Variants in TAFA2 observed in about 807,000 individuals in gnomAD.
TAFA2 encodes chemokine-like protein TAFA-2.
A neutral mutation model predicts 18.8 loss-of-function variants in TAFA2; 7 were observed. That is an observed-to-expected ratio of 0.37 (90% CI 0.21 to 0.70). The LOEUF (loss-of-function observed/expected upper bound fraction) is 0.70. Ranked by LOEUF, TAFA2 falls within the 30% of genes least tolerant of loss-of-function variation. The pLI is 0.53. For missense variants in TAFA2, 122 were observed against 158.1 expected, an observed-to-expected ratio of 0.77 and a Z score of 1.23; for synonymous variants, 60 against 54.2, an observed-to-expected ratio of 1.11 and a Z score of -0.47.
intron 2 of TAFA2, among the ~76,000 whole-genome samples, chr12:61,858,609 T>TA (rs1467135241): frequency 6.6e-6 from 1 of 152,146 alleles, no homozygotes; most frequent in Non-Finnish European, 1.5e-5. Flanking sequence ...GTTGCATTTA[T>TA]ATGTTTTTCC....
At chr12:62,049,860 CT>C (rs1882005296) in intron 1 of TAFA2, among the ~76,000 whole-genome samples, 1 of 152,174 alleles carries the variant, frequency 6.6e-6, no homozygotes, top group African/African-American at 2.4e-5. Flanking sequence ...ACTCTCTGAA[CT>C]GAGCACATCA....
intron 1 of TAFA2, among the ~76,000 whole-genome samples, chr12:61,980,421 C>T (rs754306229): frequency 1.4e-4 from 21 of 152,096 alleles, no homozygotes; most frequent in South Asian, 4.1e-4. Flanking sequence ...CCTCTCTCAC[C>T]GCTCCTATTC....
chr12:61,995,333 C>T (rs1197501823), intron 1 of TAFA2, among the ~76,000 whole-genome samples: 2 of 152,218 alleles, frequency 1.3e-5, no homozygotes, highest in African/African-American at 4.8e-5. Flanking sequence ...CTCCACATGA[C>T]TAGTTCCTTC....
chr12:61,986,459 C>T (rs1395733216), intron 1 of TAFA2, among the ~76,000 whole-genome samples: 2 of 151,666 alleles, frequency 1.3e-5, no homozygotes, highest in African/African-American at 2.4e-5. Context: ...CCACCACACC[C>T]AGCTAATTTT....
chr12:62,234,900 T>A (rs565881105), intron 1 of TAFA2: 1 of 958,202 alleles, frequency 1.0e-6, no homozygotes, highest in African/African-American at 1.6e-5. Flanking sequence ...CATGGGCATC[T>A]TGTGGGGGCA....
rs202120403 is a variant in TAFA2 at position 61,829,667 on chromosome 12, TAA to T, written c.106+37651_106+37652del. On this transcript the variant is annotated intron_variant, in intron 2 of 4. Transcript: ENST00000416284. ...AAAACATATCAGCTAGATAAATTTT[TAA>T]AATATCTTTATCTTTTGTGCCAAAA... Among the ~76,000 whole-genome samples the T allele has an allele frequency of 4.5e-3, 684 of 151,718 alleles. 2 individuals carry two copies. The highest frequency in any genetic ancestry group is 0.015 in the African/African-American group (627 of 41,524).
At chr12:62,246,953 C>A (rs555111747) in intron 1 of TAFA2, among the ~76,000 whole-genome samples, 1 of 151,714 alleles carries the variant, frequency 6.6e-6, no homozygotes, top group Non-Finnish European at 1.5e-5. Context: ...GGTATAAGAA[C>A]CTCTGATTTT....
At chr12:61,891,749 T>C (rs980335591) in intron 1 of TAFA2, among the ~76,000 whole-genome samples, 9 of 151,546 alleles carry the variant, frequency 5.9e-5, no homozygotes, top group Non-Finnish European at 1.2e-4. Context: ...ATAAAAGGAA[T>C]AGAAATAGTG....
At position 62,042,432 on chromosome 12, in the gene TAFA2, C is replaced by CAT. The variant is rs1555185809; in HGVS notation, c.-2+148826_-2+148827insAT. 3.8e-4 allele frequency among the ~76,000 whole-genome samples: 54 copies of CAT among 143,598 alleles called. No individual in the cohort carries two copies. The Middle Eastern group carries it at 0.01, about 27-fold the overall frequency. The allele number at this position is 143,598 out of a possible 152,430, so 94.2% of individuals were successfully genotyped here. ...GTGTGTGTGTGTGTGTGTGTGTGCG[C>CAT]GTGTGTGTGTGTGTGTGTGACATGC... On this transcript the variant is annotated intron_variant, in intron 1 of 4. Transcript: ENST00000416284.
intron 1 of TAFA2, among the ~76,000 whole-genome samples, chr12:62,088,418 C>A (rs1868548764): frequency 6.6e-6 from 1 of 151,812 alleles, no homozygotes; most frequent in Non-Finnish European, 1.5e-5. Flanking sequence ...GCAGCACGTA[C>A]AGGAGTAGCT....
intron 1 of TAFA2, among the ~76,000 whole-genome samples, chr12:62,014,354 C>T (rs111268609): frequency 1.2e-4 from 18 of 152,128 alleles, no homozygotes; most frequent in African/African-American, 3.1e-4. Context: ...TCTGGCTGTG[C>T]GCAGTGACTC....
At chr12:61,868,481 C>A (rs1565662558) in intron 1 of TAFA2, among the ~76,000 whole-genome samples, 1 of 152,176 alleles carries the variant, frequency 6.6e-6, no homozygotes, top group East Asian at 1.9e-4. Flanking sequence ...CCTGAAGATT[C>A]TTGCCTGCCC....
intron 1 of TAFA2, chr12:62,198,467 A>T (rs571083673): frequency 8.5e-5 from 13 of 152,286 alleles, no homozygotes; most frequent in Admixed American, 7.8e-4. Flanking sequence ...TAAGGAGAAA[A>T]ATTAGCTCTG....
intron 4 of TAFA2, among the ~76,000 whole-genome samples, chr12:61,731,601 T>TG (rs35464897): frequency 0.36 from 54,996 of 151,904 alleles, 10,064 homozygotes; most frequent in African/African-American, 0.42. Flanking sequence ...TCATAATTGT[T>TG]GCATCAGTAG....
At chr12:62,083,685 C>T (rs774565328) in intron 1 of TAFA2, among the ~76,000 whole-genome samples, 2 of 152,124 alleles carry the variant, frequency 1.3e-5, no homozygotes, top group Non-Finnish European at 2.9e-5. Flanking sequence ...AAAGTTTTAA[C>T]ATAAGACAGA....
chr12:61,827,516 G>C (rs717271), intron 2 of TAFA2, among the ~76,000 whole-genome samples: 2 of 151,676 alleles, frequency 1.3e-5, no homozygotes, highest in Non-Finnish European at 2.9e-5. Context: ...TCTCAGAGCC[G>C]GAAAAGGGTT....
chr12:62,158,476 G>A (rs1291359725), intron 1 of TAFA2, among the ~76,000 whole-genome samples: 1 of 152,166 alleles, frequency 6.6e-6, no homozygotes, highest in Non-Finnish European at 1.5e-5. Context: ...CAATTTATTA[G>A]CACGTAAGAA....
chr12:61,991,471 C>G (rs1880008717), intron 1 of TAFA2, among the ~76,000 whole-genome samples: 1 of 152,110 alleles, frequency 6.6e-6, no homozygotes, highest in South Asian at 2.1e-4. Context: ...ATTTTATCTA[C>G]CATAAACAGT....
At chr12:62,061,403 C>T (rs1240871739) in intron 1 of TAFA2, among the ~76,000 whole-genome samples, 1 of 152,226 alleles carries the variant, frequency 6.6e-6, no homozygotes, top group African/African-American at 2.4e-5. Flanking sequence ...CTAGGAGCAA[C>T]AGACTATACC....
Sources: gnomAD v4.1 joint callset for allele counts (sites outside exome capture counted in the v4.1 genomes callset) on GRCh38, gnomAD v4.1.1 for gene constraint, MANE v1.5 for transcripts, NCBI Gene and HGNC (gene_info 2026-07-23, HGNC 2026-07-21) for gene names.